Variants in HS6ST3 observed in about 807,000 individuals in gnomAD.
The protein encoded by HS6ST3 is heparan-sulfate 6-O-sulfotransferase 3.
A neutral mutation model predicts 36.7 loss-of-function variants in HS6ST3; 12 were observed. The ratio of observed to expected loss-of-function variants is 0.33; its 90% CI spans 0.21 to 0.53. The LOEUF (loss-of-function observed/expected upper bound fraction) is 0.53. Among genes scored for constraint, HS6ST3 ranks in the 20% least tolerant of loss-of-function variants. The pLI, the probability that HS6ST3 is intolerant of heterozygous loss-of-function variation, is 0.95. For missense variants in HS6ST3, 584 were observed against 640.9 expected (o/e 0.91, Z 0.96); for synonymous variants, 240 against 257.5 (o/e 0.93, Z 0.65).
intron 1 of HS6ST3, among the ~76,000 whole-genome samples, chr13:96,167,475 C>G (rs1427642980): frequency 1.3e-5 from 2 of 152,108 alleles, no homozygotes; most frequent in African/African-American, 4.8e-5. Flanking sequence ...GTTTATCTTT[C>G]CTCATCGCCC....
chr13:96,614,916 C>T (rs1053452263), intron 1 of HS6ST3, among the ~76,000 whole-genome samples: 5 of 152,160 alleles, frequency 3.3e-5, no homozygotes, highest in Admixed American at 3.3e-4. Flanking sequence ...TATAGTAAGA[C>T]TATTCTTAAC....
At chr13:96,609,358 A>G (rs929707177) in intron 1 of HS6ST3, among the ~76,000 whole-genome samples, 4 of 152,184 alleles carry the variant, frequency 2.6e-5, no homozygotes, top group African/African-American at 9.7e-5. Flanking sequence ...AATTATAAAG[A>G]GAGGTTTTCT....
intron 1 of HS6ST3, among the ~76,000 whole-genome samples, chr13:96,749,868 C>A (rs2138491329): frequency 6.6e-6 from 1 of 152,030 alleles, no homozygotes; most frequent in Admixed American, 6.6e-5. Flanking sequence ...CAAGTCATGT[C>A]TGTATGTATA....
chr13:96,162,663 T>A (rs1324150273), intron 1 of HS6ST3, among the ~76,000 whole-genome samples: 1 of 152,228 alleles, frequency 6.6e-6, no homozygotes, highest in Non-Finnish European at 1.5e-5. Context: ...ACAATTGTTG[T>A]ACTATGTGGT....
intron 1 of HS6ST3, among the ~76,000 whole-genome samples, chr13:96,129,129 C>T (rs181843708): frequency 1.9e-4 from 29 of 152,308 alleles, no homozygotes; most frequent in Admixed American, 1.7e-3. Flanking sequence ...GGGATTATAG[C>T]TGTGAGCCAC....
At chr13:96,605,813 A>G (rs754988664) in intron 1 of HS6ST3, among the ~76,000 whole-genome samples, 1 of 152,026 alleles carries the variant, frequency 6.6e-6, no homozygotes, top group Non-Finnish European at 1.5e-5. Context: ...TTACAGAGTC[A>G]GAGAAAATAT....
chr13:96,794,014 A>AT (rs1877853241), intron 1 of HS6ST3, among the ~76,000 whole-genome samples: 1 of 152,066 alleles, frequency 6.6e-6, no homozygotes, highest in Non-Finnish European at 1.5e-5. Context: ...ATCACCCAGT[A>AT]TGTTCTTATT....
intron 1 of HS6ST3, among the ~76,000 whole-genome samples, chr13:96,398,068 CA>C (rs951094544): frequency 6.6e-6 from 1 of 152,112 alleles, no homozygotes; most frequent in Admixed American, 6.5e-5. Context: ...CCTATCTTTG[CA>C]TCATGTTTTG....
chr13:96,244,098 A>G (rs1487834707), intron 1 of HS6ST3, among the ~76,000 whole-genome samples: 5 of 152,304 alleles, frequency 3.3e-5, no homozygotes, highest in South Asian at 2.1e-4. Flanking sequence ...CAACTTTAGC[A>G]TAGGAGTTTA....
intron 1 of HS6ST3, among the ~76,000 whole-genome samples, chr13:96,455,527 C>CTA: frequency 6.6e-6 from 1 of 152,198 alleles, no homozygotes. Flanking sequence ...CACACCCAGC[C>CTA]TACAAAGGGT....
intron 1 of HS6ST3, among the ~76,000 whole-genome samples, chr13:96,233,966 G>A (rs1282472169): frequency 2.6e-5 from 4 of 152,056 alleles, no homozygotes; most frequent in Non-Finnish European, 5.9e-5. Flanking sequence ...GGCATTTTAG[G>A]GGAAAGAATG....
chr13:96,402,370 A>C (rs567028579), intron 1 of HS6ST3, among the ~76,000 whole-genome samples: 3 of 152,210 alleles, frequency 2.0e-5, no homozygotes, highest in Non-Finnish European at 4.4e-5. Context: ...ATACTATATA[A>C]GTTTTAACTA....
chr13:96,521,915 C>A (rs2056095001), intron 1 of HS6ST3, among the ~76,000 whole-genome samples: 1 of 152,014 alleles, frequency 6.6e-6, no homozygotes, highest in African/African-American at 2.4e-5. Context: ...TTTGCTCTTG[C>A]TTCTCTAGTT....
intron 1 of HS6ST3, among the ~76,000 whole-genome samples, chr13:96,230,442 T>TAA (rs1435687829): frequency 1.3e-5 from 2 of 152,112 alleles, no homozygotes; most frequent in Non-Finnish European, 2.9e-5. Context: ...AGATGCTGAA[T>TAA]TTGCGGTTCC....
intron 1 of HS6ST3, among the ~76,000 whole-genome samples, chr13:96,180,240 A>G (rs2054233397): frequency 1.3e-5 from 2 of 152,208 alleles, no homozygotes. Context: ...TGCATTAGTC[A>G]GGGGCTCTAA....
rs187509407 is a variant in HS6ST3 at position 96,822,184 on chromosome 13, T to C, written c.708-10306T>C. The stretch of plus-strand genomic sequence containing the variant: ...GATTAGAGCTGCCAGTGAGACTGAA[T>C]TGGGCCTTATCTCACTCCAAGGCGG... On this transcript the variant is annotated intron_variant, in intron 1 of 1. Coordinates refer to ENST00000376705, the MANE Select transcript of HS6ST3 (RefSeq NM_153456.4). Among the ~76,000 whole-genome samples the C allele has an allele frequency of 3.7e-3, 569 of 152,310 alleles. 2 individuals carry two copies. The highest frequency in any genetic ancestry group is 4.9e-3 in the Non-Finnish European group (335 of 68,026).
chr13:96,528,482 A>C (rs746825976), intron 1 of HS6ST3, among the ~76,000 whole-genome samples: 3 of 152,160 alleles, frequency 2.0e-5, no homozygotes, highest in Non-Finnish European at 4.4e-5. Context: ...TTGTTGGTGA[A>C]ATTAATAAAT....
chr13:96,546,684 G>C (rs1048003276), intron 1 of HS6ST3, among the ~76,000 whole-genome samples: 2 of 152,126 alleles, frequency 1.3e-5, no homozygotes, highest in African/African-American at 2.4e-5. Context: ...TAAAACCATC[G>C]TAGGGGTGTG....
intron 1 of HS6ST3, among the ~76,000 whole-genome samples, chr13:96,462,019 A>G (rs2139492552): frequency 6.6e-6 from 1 of 152,340 alleles, no homozygotes; most frequent in Non-Finnish European, 1.5e-5. Flanking sequence ...TAAAATTAAG[A>G]AATTGATTAC....
Sources: gnomAD v4.1 joint callset for allele counts (sites outside exome capture counted in the v4.1 genomes callset) on GRCh38, gnomAD v4.1.1 for gene constraint, MANE v1.5 for transcripts, NCBI Gene and HGNC (gene_info 2026-07-23, HGNC 2026-07-21) for gene names.